COL19A1: variants seen among roughly 807,000 people sequenced by gnomAD.
The protein encoded by COL19A1 is collagen type XIX alpha 1 chain.
A neutral mutation model predicts 190.2 loss-of-function variants in COL19A1; 159 were observed. The ratio of observed to expected loss-of-function variants is 0.84; its 90% CI spans 0.73 to 0.95. The LOEUF (loss-of-function observed/expected upper bound fraction) is 0.95, where lower values mean the gene tolerates loss of function less well. COL19A1 is among the 40% of genes least tolerant of loss of function. The probability of loss-of-function intolerance (pLI) is 0.00; values close to 1 mark genes in which losing one functional copy is unlikely to be tolerated. For synonymous variants in COL19A1, 509 were observed against 458.9 expected, an observed-to-expected ratio of 1.11 and a Z score of -1.39; for missense variants, 1,418 against 1,431.9, an observed-to-expected ratio of 0.99 and a Z score of 0.16.
intron 12 of COL19A1, among the ~76,000 whole-genome samples, chr6:70,034,044 G>A (rs181622620): frequency 1.3e-5 from 2 of 152,192 alleles, no homozygotes; most frequent in Non-Finnish European, 1.5e-5. Flanking sequence ...TTGAGGACTC[G>A]CGCTGATTTA....
intron 41 of COL19A1, among the ~76,000 whole-genome samples, chr6:70,173,332 A>T (rs1215195322): frequency 6.6e-6 from 1 of 152,198 alleles, no homozygotes; most frequent in Non-Finnish European, 1.5e-5. Flanking sequence ...TAAGATTACC[A>T]AGGGAATGCC....
intron 14 of COL19A1, among the ~76,000 whole-genome samples, chr6:70,049,261 T>A (rs1241300854): frequency 6.6e-6 from 1 of 151,966 alleles, no homozygotes; most frequent in African/African-American, 2.4e-5. Context: ...GAGGTCCTAA[T>A]CTGCCAGTAG....
chr6:70,099,547 C>CAA (rs10644510), intron 15 of COL19A1, among the ~76,000 whole-genome samples: 36,878 of 149,106 alleles, frequency 0.25, 4,722 homozygotes, highest in South Asian at 0.38. Flanking sequence ...TATTCCAAAA[C>CAA]AAAAAAAAAA....
intron 15 of COL19A1, among the ~76,000 whole-genome samples, chr6:70,072,161 A>G (rs1781598992): frequency 6.6e-6 from 1 of 152,182 alleles, no homozygotes; most frequent in African/African-American, 2.4e-5. Context: ...GAAACATTGC[A>G]AAAGAACTGG....
intron 4 of COL19A1, among the ~76,000 whole-genome samples, chr6:69,918,179 C>T (rs191230995): frequency 2.6e-5 from 4 of 152,244 alleles, no homozygotes; most frequent in African/African-American, 9.6e-5. Flanking sequence ...ATTCTAGGAA[C>T]CATGCAACAC....
chr6:70,105,809 A>G (rs1032524667), intron 16 of COL19A1, among the ~76,000 whole-genome samples: 2 of 152,270 alleles, frequency 1.3e-5, no homozygotes, highest in East Asian at 3.9e-4. Context: ...TGAAAATGTG[A>G]AATGTATTTT....
intron 11 of COL19A1, among the ~76,000 whole-genome samples, chr6:69,966,557 A>G (rs1389337467): frequency 1.3e-5 from 2 of 152,138 alleles, no homozygotes; most frequent in East Asian, 1.9e-4. Context: ...TGTTAAACAG[A>G]TGCTTGAAGG....
chr6:69,956,210 C>A (rs1481727889), intron 9 of COL19A1, among the ~76,000 whole-genome samples: 1 of 151,896 alleles, frequency 6.6e-6, no homozygotes. Context: ...ATGATCAAGA[C>A]ATGTATTGAC....
chr6:69,924,668 T>A (rs1412286689), intron 4 of COL19A1, among the ~76,000 whole-genome samples: 3 of 152,224 alleles, frequency 2.0e-5, no homozygotes, highest in African/African-American at 7.2e-5. Flanking sequence ...CACACTCTCT[T>A]CCACAATGGT....
chr6:69,976,401 T>A (rs1775716239), intron 11 of COL19A1, among the ~76,000 whole-genome samples: 1 of 151,898 alleles, frequency 6.6e-6, no homozygotes, highest in South Asian at 2.1e-4. Context: ...AATCATCCAT[T>A]TATTTGATCA....
intron 15 of COL19A1, among the ~76,000 whole-genome samples, chr6:70,087,299 G>A (rs531666195): frequency 1.3e-5 from 2 of 152,288 alleles, no homozygotes; most frequent in East Asian, 3.9e-4. Context: ...AGCAGAGGAA[G>A]GGGATATGCA....
At chr6:69,914,756 A>G (rs755430464) in intron 4 of COL19A1, among the ~76,000 whole-genome samples, 1 of 152,204 alleles carries the variant, frequency 6.6e-6, no homozygotes. Context: ...TTGAAGAATT[A>G]CCTCCGGAAC....
chr6:70,156,324 A>G lies in COL19A1; in HGVS notation c.2193A>G (p.Ile731Met). 6.2e-7 allele frequency: 1 copy of G among 1,613,372 alleles called. No homozygotes were observed. The highest frequency in any genetic ancestry group is 8.5e-7 in the Non-Finnish European group (1 of 1,179,566). ...KYDSMARKGD[I>M]GPRGPPGIPG... The stretch of plus-strand genomic sequence containing the variant: ...CTTCCTCTGTCTTCTAGGGTGATAT[A>G]GGGCCACGGGGTCCTCCAGGAATCC... The change falls in exon 33 of 51, where the codon ATA (isoleucine) becomes ATG (methionine). Residue 731 changes from isoleucine (I) to methionine (M), a missense_variant. Transcript: ENST00000620364.
chr6:69,942,456 G>A (rs1773531879), intron 9 of COL19A1, among the ~76,000 whole-genome samples: 1 of 152,048 alleles, frequency 6.6e-6, no homozygotes, highest in Non-Finnish European at 1.5e-5. Flanking sequence ...CAGTGCTATT[G>A]AACAGAAGAG....
At chr6:70,152,510 C>T (rs937032545) in intron 31 of COL19A1, among the ~76,000 whole-genome samples, 1 of 151,914 alleles carries the variant, frequency 6.6e-6, no homozygotes, top group African/African-American at 2.4e-5. Flanking sequence ...TTTTTATAAG[C>T]CAGAGAAGAA....
At chr6:70,075,795 A>G (rs1232973837) in intron 15 of COL19A1, among the ~76,000 whole-genome samples, 1 of 152,192 alleles carries the variant, frequency 6.6e-6, no homozygotes, top group African/African-American at 2.4e-5. Flanking sequence ...AAAAAATTGT[A>G]AGCAATGATT....
At chr6:70,048,237 A>C (rs1780011057) in intron 14 of COL19A1, among the ~76,000 whole-genome samples, 2 of 152,128 alleles carry the variant, frequency 1.3e-5, no homozygotes, top group African/African-American at 4.8e-5. Flanking sequence ...GTCATTTATA[A>C]ATCAAATGAC....
In COL19A1 at chr6:69,898,928, C is replaced by T; in HGVS notation, c.92-20C>T. The T allele has an allele frequency of 6.6e-7, 1 of 1,504,622 alleles. No homozygotes were observed. The highest frequency in any genetic ancestry group is 9.2e-7 in the Non-Finnish European group (1 of 1,086,514). 93.2% of individuals were successfully genotyped at this position (1,504,622 alleles called of 1,614,324 possible). ...TCATACATAATGCAAATCCTCTATG[C>T]TTTTTTTCTTTTTAAATAGAAGAGT... On this transcript the variant is annotated intron_variant, in intron 2 of 50. Coordinates refer to ENST00000620364, the MANE Select transcript of COL19A1 (RefSeq NM_001858.6).
At chr6:69,958,416 C>T (rs1774563938) in intron 9 of COL19A1, among the ~76,000 whole-genome samples, 1 of 152,124 alleles carries the variant, frequency 6.6e-6, no homozygotes, top group South Asian at 2.1e-4. Flanking sequence ...GTAACAGGAG[C>T]TCCATTTCCA....
Sources: gnomAD v4.1 joint callset for allele counts (sites outside exome capture counted in the v4.1 genomes callset) on GRCh38, gnomAD v4.1.1 for gene constraint, MANE v1.5 for transcripts, NCBI Gene and HGNC (gene_info 2026-07-23, HGNC 2026-07-21) for gene names.